Variants in DOCK5 observed in about 807,000 individuals in gnomAD.
The protein encoded by DOCK5 is dedicator of cytokinesis protein 5.
DOCK5 carries 142 observed loss-of-function variants against 251.8 expected under a neutral mutation model. The observed-to-expected ratio is 0.56, with a 90% CI of 0.49 to 0.65. The LOEUF is 0.65. Among genes scored for constraint, DOCK5 ranks in the 30% least tolerant of loss-of-function variants. The pLI is 0.00. For missense variants in DOCK5, 2,111 were observed against 2,312.3 expected (o/e 0.91, Z 1.79); for synonymous variants, 842 against 835.5 (o/e 1.01, Z -0.13).
chr8:25,306,861 G>A (rs1586314483), intron 11 of DOCK5, among the ~76,000 whole-genome samples: 1 of 152,108 alleles, frequency 6.6e-6, no homozygotes, highest in Non-Finnish European at 1.5e-5. Context: ...TCTTGTCATT[G>A]TGTAGACAAC....
At chr8:25,317,299 T>A in intron 14 of DOCK5, 168 bp downstream of exon 14, 2 of 960,706 alleles carry the variant, frequency 2.1e-6, no homozygotes, top group Non-Finnish European at 3.1e-6. Flanking sequence ...GCAGTTTCAC[T>A]AAGGAAGCTA....
At chr8:25,313,439 A>T (rs2117187069) in intron 13 of DOCK5, among the ~76,000 whole-genome samples, 1 of 151,784 alleles carries the variant, frequency 6.6e-6, no homozygotes, top group African/African-American at 2.4e-5. Context: ...CTCATTGGTG[A>T]CCCCTCACTT....
intron 1 of DOCK5, among the ~76,000 whole-genome samples, chr8:25,215,250 G>A (rs971053986): frequency 3.9e-5 from 6 of 152,110 alleles, no homozygotes; most frequent in African/African-American, 1.4e-4. Flanking sequence ...TTTAAAACAT[G>A]GATAGGCTAG....
chr8:25,390,833 G>A (rs912998296), intron 42 of DOCK5, among the ~76,000 whole-genome samples: 1 of 151,104 alleles, frequency 6.6e-6, no homozygotes, highest in African/African-American at 2.4e-5. Flanking sequence ...TTTTTGAGAC[G>A]GAATCTTGCT....
At chr8:25,375,419 T>TC (rs1442583566) in intron 37 of DOCK5, 1 of 153,004 alleles carries the variant, frequency 6.5e-6, no homozygotes, top group Non-Finnish European at 1.4e-5. Context: ...ATTTTTTTTT[T>TC]TAAAGAGATG....
At chr8:25,317,181 A>C in intron 14 of DOCK5, 50 bp downstream of exon 14, 1 of 1,598,238 alleles carries the variant, frequency 6.3e-7, no homozygotes, top group Non-Finnish European at 8.6e-7. Flanking sequence ...CGTCTTTACA[A>C]TCACGATAGA....
intron 1 of DOCK5, among the ~76,000 whole-genome samples, chr8:25,232,330 G>GGA (rs34291147): frequency 0.98 from 149,554 of 152,212 alleles, 73,477 homozygotes; most frequent in East Asian, 1. Context: ...GCTGAGCTAG[G>GGA]AAACGTATTC....
chr8:25,368,022 G>A (rs898719789), intron 31 of DOCK5, among the ~76,000 whole-genome samples, 170 bp from the exon 32 acceptor site: 1 of 152,152 alleles, frequency 6.6e-6, no homozygotes, highest in East Asian at 1.9e-4. Flanking sequence ...CCCGGCCTCT[G>A]TGCGCCTCAT....
intron 13 of DOCK5, among the ~76,000 whole-genome samples, chr8:25,311,053 T>C (rs1269634332): frequency 6.6e-6 from 1 of 152,186 alleles, no homozygotes; most frequent in Admixed American, 6.5e-5. Context: ...TGGCTCTCCC[T>C]GTTCTTGTTG....
At chr8:25,325,674 T>G in intron 18 of DOCK5, 127 bp downstream of exon 18, 1 of 1,085,694 alleles carries the variant, frequency 9.2e-7, no homozygotes, top group South Asian at 1.8e-5. Flanking sequence ...GCCAATTGGA[T>G]TCTGCTCTCT....
At chr8:25,407,469 G>A (rs927854675) in intron 48 of DOCK5, among the ~76,000 whole-genome samples, 57 of 152,106 alleles carry the variant, frequency 3.7e-4, no homozygotes, top group African/African-American at 1.1e-3. Context: ...TAATATTTTC[G>A]TCCAGTCGTC....
At chr8:25,400,238 C>T (rs775254623) in intron 46 of DOCK5, among the ~76,000 whole-genome samples, 13 of 152,102 alleles carry the variant, frequency 8.5e-5, no homozygotes, top group Non-Finnish European at 1.6e-4. Flanking sequence ...GTGGCTTATG[C>T]CTGTAATCCC....
chr8:25,215,759 A>G (rs1802227558), intron 1 of DOCK5, among the ~76,000 whole-genome samples: 1 of 152,072 alleles, frequency 6.6e-6, no homozygotes, highest in African/African-American at 2.4e-5. Context: ...TTCTGTTTTT[A>G]ATGAATATAT....
chr8:25,408,243 G>A (rs1359884797), intron 49 of DOCK5, 89 bp downstream of exon 49: 9 of 1,377,416 alleles, frequency 6.5e-6, no homozygotes, highest in Non-Finnish European at 8.8e-6. Context: ...CTCCCAGATT[G>A]AAGCTGGGCT....
chr8:25,408,009 G>T lies in DOCK5; in HGVS notation c.5120G>T (p.Arg1707Leu), dbSNP rs141268632. Reference sequence around the variant, plus strand: ...TCAATCTTGGAGCCACTTTTGGAGCGCAGGGCCTCGTCAGGTGCCAGAGTT... The same window carrying T: ...TCAATCTTGGAGCCACTTTTGGAGCTCAGGGCCTCGTCAGGTGCCAGAGTT... ...DGSILEPLLE[R>L]RASSGARVED... is the part of the protein sequence containing the mutation. Residue 1707 changes from arginine to leucine, a missense_variant, in exon 49 of 52, where the codon CGC (arginine) becomes CTC (leucine). Physicochemically the swap from Arg to Leu is moderately radical, Grantham distance 102. Transcript: ENST00000276440. 3.1e-6 allele frequency: 5 copies of T among 1,612,548 alleles called. No homozygotes were observed. Among genetic ancestry groups the T allele is most frequent in the East Asian group, 2.2e-5 (1 of 44,862 alleles).
intron 2 of DOCK5, among the ~76,000 whole-genome samples, chr8:25,260,958 G>A (rs900917596): frequency 1.3e-5 from 2 of 151,868 alleles, no homozygotes; most frequent in African/African-American, 4.8e-5. Flanking sequence ...ACCTCACCTG[G>A]CTAGTTATTT....
At chr8:25,227,425 G>T (rs11989727) in intron 1 of DOCK5, among the ~76,000 whole-genome samples, 12,885 of 150,772 alleles carry the variant, frequency 0.085, 1,459 homozygotes, top group African/African-American at 0.27. Context: ...TAAATCATTT[G>T]TCCTGCTAAA....
intron 39 of DOCK5, among the ~76,000 whole-genome samples, chr8:25,381,688 A>T (rs1801070553): frequency 1.3e-5 from 2 of 152,158 alleles, no homozygotes; most frequent in Non-Finnish European, 2.9e-5. Flanking sequence ...GTAACATGTT[A>T]CATACCGGTC....
At chr8:25,273,742 G>A (rs1803973726) in intron 3 of DOCK5, among the ~76,000 whole-genome samples, 1 of 152,164 alleles carries the variant, frequency 6.6e-6, no homozygotes. Context: ...CTGACCTGAG[G>A]GGTGGCGCAT....
Sources: gnomAD v4.1 joint callset for allele counts (sites outside exome capture counted in the v4.1 genomes callset) on GRCh38, gnomAD v4.1.1 for gene constraint, MANE v1.5 for transcripts, NCBI Gene and HGNC (gene_info 2026-07-23, HGNC 2026-07-21) for gene names.